Variants in WTAP observed in about 807,000 individuals in gnomAD.
WTAP encodes the protein pre-mRNA-splicing regulator WTAP.
A neutral mutation model predicts 50.0 loss-of-function variants in WTAP; 8 were observed. That is an observed-to-expected ratio of 0.16 (90% CI 0.09 to 0.29). WTAP has a LOEUF of 0.29. Among genes scored for constraint, WTAP ranks in the 10% least tolerant of loss-of-function variants. The probability of loss-of-function intolerance (pLI) is 1.00; values close to 1 mark genes in which losing one functional copy is unlikely to be tolerated. For missense variants in WTAP, 295 were observed against 470.7 expected (o/e 0.63, Z 3.45); for synonymous variants, 194 against 169.0 (o/e 1.15, Z -1.15).
chr6:159,735,248 C>T (rs1291633058), intron 1 of WTAP, among the ~76,000 whole-genome samples: 2 of 152,166 alleles, frequency 1.3e-5, no homozygotes, highest in East Asian at 3.9e-4. Context: ...TCAGGCGATT[C>T]CTGCCTCAGT....
Position 159,755,559 on chromosome 6 carries a change from A to G in WTAP, c.1139A>G (p.His380Arg). 6.2e-7 allele frequency: 1 copy of G among 1,614,132 alleles called. No individual in the cohort carries two copies. Among genetic ancestry groups the G allele is most frequent in the Non-Finnish European group, 8.5e-7 (1 of 1,180,024 alleles). Residue 380 changes from histidine to arginine, a missense_variant, in exon 8 of 8, where the codon CAC (histidine) becomes CGC (arginine). Physicochemically the swap from His to Arg is conservative, Grantham distance 29. Around this residue, in one of 2 missense-constraint regions of WTAP, gnomAD observed 175 missense variants for 183.1 expected, o/e 0.96. Coordinates refer to ENST00000621533, the MANE Select transcript of WTAP (RefSeq NM_001270531.2). ...GGTAATCGAACTGTGGGTTCCCGCC[A>G]CGTTCAGAATGGCTTGGACTCAAGT... ...GKGNRTVGSRHVQNGLDSSVN... is the reference protein window; with the variant it reads ...GKGNRTVGSRRVQNGLDSSVN...
In WTAP at chr6:159,755,760, CTTTTCT is replaced by C. The variant is rs1779986426; in HGVS notation, c.*154_*159del. ...TGTTTTTTTTCTTTGTTTTTTTTTT[CTTTTCT>C]TTTTTTTTTTTTTTTTTTTTTTTTG... On this transcript the variant is annotated 3_prime_UTR_variant, in exon 8 of 8. Transcript: ENST00000621533. The C allele has an allele frequency of 3.1e-5, 9 of 286,812 alleles. No individual in the cohort carries two copies. Among genetic ancestry groups the C allele is most frequent in the African/African-American group, 1.0e-4 (2 of 20,040 alleles). 17.8% of individuals were successfully genotyped at this position (286,812 alleles called of 1,614,324 possible). A position where few individuals can be genotyped will look rare whatever the true frequency, so the allele number is the denominator to read the frequency against.
intron 1 of WTAP, among the ~76,000 whole-genome samples, chr6:159,733,934 CAG>C (rs1350156634): frequency 2.0e-5 from 3 of 152,118 alleles, no homozygotes; most frequent in Non-Finnish European, 2.9e-5. Context: ...AAAGATTAAA[CAG>C]AGAAAGAAGC....
At chr6:159,726,936 G>A (rs1341886088), upstream of WTAP, 1 of 1,288,550 alleles carries the variant, frequency 7.8e-7, no homozygotes, top group Non-Finnish European at 1.0e-6. Context: ...TCCGACACGC[G>A]GAAGCATCAC....
chr6:159,730,457 G>T (rs922767431), intron 1 of WTAP, among the ~76,000 whole-genome samples: 4 of 151,898 alleles, frequency 2.6e-5, no homozygotes, highest in African/African-American at 9.7e-5. Context: ...AAAAAAAATT[G>T]CCCTGGGGAA....
chr6:159,738,332 G>A (rs1020512435), intron 2 of WTAP, among the ~76,000 whole-genome samples: 2 of 152,114 alleles, frequency 1.3e-5, no homozygotes, highest in African/African-American at 4.8e-5. Context: ...TAATCATGTA[G>A]TATGCATCTT....
Position 159,748,860 on chromosome 6 carries a change from C to T in WTAP, c.452+491C>T. ...CCTTGAGCATAGTGACTTAGAGACACTGTGTATCAGTTTTGCCAATAAGAC... is the reference window on the plus strand; with the variant it reads ...CCTTGAGCATAGTGACTTAGAGACATTGTGTATCAGTTTTGCCAATAAGAC... On this transcript the variant is annotated intron_variant, in intron 6 of 7. Transcript: ENST00000621533. The surrounding 1 kb of genome is among the most constrained non-coding windows in gnomAD (Gnocchi z 5.6). 8.3e-7 allele frequency: 1 copy of T among 1,211,888 alleles called. No homozygotes were observed. Among genetic ancestry groups the T allele is most frequent in the Admixed American group, 4.3e-5 (1 of 23,246 alleles). 75.1% of individuals were successfully genotyped at this position (1,211,888 alleles called of 1,614,324 possible).
chr6:159,752,155 T>C (rs148059959), intron 6 of WTAP, among the ~76,000 whole-genome samples: 103 of 152,122 alleles, frequency 6.8e-4, no homozygotes, highest in Middle Eastern at 3.5e-3. Context: ...TTTAAACTTA[T>C]AAGGCATACT....
chr6:159,736,663 C>T (rs562860964), intron 2 of WTAP: 1 of 162,578 alleles, frequency 6.2e-6, no homozygotes, highest in South Asian at 2.0e-4. Context: ...TATTATTATT[C>T]TTTTCCTAGT....
At chr6:159,742,038 T>A in intron 3 of WTAP, 50 bp from the exon 4 acceptor site, 8 of 1,279,736 alleles carry the variant, frequency 6.3e-6, no homozygotes, top group Non-Finnish European at 7.8e-6. Context: ...CTAGTTTATT[T>A]AATAAACTAT....
chr6:159,735,167 G>A (rs1778828324), intron 1 of WTAP, among the ~76,000 whole-genome samples: 1 of 152,108 alleles, frequency 6.6e-6, no homozygotes, highest in African/African-American at 2.4e-5. Context: ...GTTTGAGATG[G>A]AGTCTCTGTT....
In WTAP at chr6:159,755,910, A is replaced by C. The variant is rs890626512; in HGVS notation, c.*299A>C. The stretch of plus-strand genomic sequence containing the variant: ...TGAGTTAATGTGAAATTGTAAATGG[A>C]AATTTTTCCTTAAAATACAACACAA... On this transcript the variant is annotated 3_prime_UTR_variant, in exon 8 of 8. Transcript: ENST00000621533. 3.3e-5 allele frequency: 10 copies of C among 305,176 alleles called. No individual in the cohort carries two copies. The highest frequency in any genetic ancestry group is 1.1e-3 in the Middle Eastern group (1 of 912). 18.9% of individuals were successfully genotyped at this position (305,176 alleles called of 1,614,324 possible).
In WTAP at chr6:159,755,009, C is replaced by T; in HGVS notation, c.608-19C>T. On this transcript the variant is annotated intron_variant, in intron 7 of 7. Coordinates refer to ENST00000621533, the MANE Select transcript of WTAP (RefSeq NM_001270531.2). ...TGTTATAAACGATATTAAAGTTGGT[C>T]TGACTCTCCTTTGCACAGAACTGAA... The T allele has an allele frequency of 6.4e-7, 1 of 1,574,578 alleles. No individual in the cohort carries two copies. Among genetic ancestry groups the T allele is most frequent in the Non-Finnish European group, 8.6e-7 (1 of 1,159,600 alleles).
At chr6:159,750,698 A>G (rs1307345182) in intron 6 of WTAP, among the ~76,000 whole-genome samples, 2 of 152,214 alleles carry the variant, frequency 1.3e-5, no homozygotes, top group African/African-American at 4.8e-5. Flanking sequence ...TAATGCTTAC[A>G]TAGTATATTT....
intron 3 of WTAP, among the ~76,000 whole-genome samples, chr6:159,739,824 C>CTTTTTTTTTTTTT (rs56389349): frequency 3.5e-5 from 3 of 85,158 alleles, no homozygotes; most frequent in Non-Finnish European, 6.5e-5. Context: ...CACTTTTTAC[C>CTTTTTTTTTTTTT]TTTTTTTTTT....
intron 1 of WTAP, among the ~76,000 whole-genome samples, chr6:159,729,086 A>G (rs542319166): frequency 6.6e-6 from 1 of 152,348 alleles, no homozygotes; most frequent in South Asian, 2.1e-4. Context: ...CACAATGTGT[A>G]AAAAGCCCTG....
chr6:159,727,374 TGGCGGGAGGCGGGA>T (rs71033554), upstream of WTAP: 69 of 1,033,222 alleles, frequency 6.7e-5, no homozygotes, highest in Admixed American at 7.3e-4. Flanking sequence ...GCGGGGAGGC[TGGCGGGAGGCGGGA>T]GGCGGGAGGC....
At chr6:159,728,794 G>A (rs1234496913) in intron 1 of WTAP, among the ~76,000 whole-genome samples, 10 of 152,166 alleles carry the variant, frequency 6.6e-5, no homozygotes, top group Admixed American at 6.5e-4. Flanking sequence ...TAAGGGTTTG[G>A]GTAGGTGTGT....
Position 159,727,553 on chromosome 6 carries a change from G to T in WTAP, c.-159G>T, listed in dbSNP as rs1048257210. On this transcript the variant is annotated 5_prime_UTR_variant, in exon 1 of 8. Coordinates refer to ENST00000621533, the MANE Select transcript of WTAP (RefSeq NM_001270531.2). ...CAGCGAGACCCACAAATAAAGGGGAGCGCAGGGGTTGCGGCGGGACTAGGA... is the reference window on the plus strand; with the variant it reads ...CAGCGAGACCCACAAATAAAGGGGATCGCAGGGGTTGCGGCGGGACTAGGA... 3 of 989,304 alleles carry T rather than the reference G, an allele frequency of 3.0e-6. No individual in the cohort carries two copies. The highest frequency in any genetic ancestry group is 4.5e-5 in the South Asian group (1 of 22,304). The allele number at this position is 989,304 out of a possible 1,614,324, so 61.3% of individuals were successfully genotyped here.
Sources: allele counts gnomAD v4.1 joint callset (sites outside exome capture counted in the v4.1 genomes callset), GRCh38; gene constraint gnomAD v4.1.1; regional missense constraint gnomAD v4.1.1; non-coding constraint Gnocchi (gnomAD v3.1); transcripts MANE v1.5; gene names NCBI Gene and HGNC (gene_info 2026-07-23, HGNC 2026-07-21).